Variants in CNTNAP2 observed in about 807,000 individuals in gnomAD.
CNTNAP2 encodes the protein contactin associated protein 2.
In CNTNAP2, 98 loss-of-function variants were observed where a neutral mutation model predicts 155.2. The observed-to-expected ratio is 0.63, with a 90% CI of 0.54 to 0.75. The LOEUF (loss-of-function observed/expected upper bound fraction) is 0.75. CNTNAP2 is among the 30% of genes least tolerant of loss of function. The pLI, the probability that CNTNAP2 is intolerant of heterozygous loss-of-function variation, is 0.00. For missense variants in CNTNAP2, 1,727 were observed against 1,688.1 expected (o/e 1.02, Z -0.40); for synonymous variants, 651 against 631.2 (o/e 1.03, Z -0.47).
chr7:146,201,427 G>C (rs1320131286), intron 1 of CNTNAP2, among the ~76,000 whole-genome samples: 1 of 152,112 alleles, frequency 6.6e-6, no homozygotes, highest in Non-Finnish European at 1.5e-5. Context: ...ATTATTGGCA[G>C]CTCCTAATTG....
intron 15 of CNTNAP2, among the ~76,000 whole-genome samples, chr7:148,066,271 C>G (rs901032191): frequency 1.3e-5 from 2 of 152,114 alleles, no homozygotes; most frequent in African/African-American, 4.8e-5. Flanking sequence ...AGGTGATGAT[C>G]TTTTTGTGAT....
At chr7:146,125,925 T>G (rs1797629702) in intron 1 of CNTNAP2, among the ~76,000 whole-genome samples, 1 of 152,252 alleles carries the variant, frequency 6.6e-6, no homozygotes, top group African/African-American at 2.4e-5. Context: ...CATATTATAC[T>G]TATAAAACGT....
chr7:148,070,375 C>T (rs1210805558), intron 15 of CNTNAP2, among the ~76,000 whole-genome samples: 3 of 152,194 alleles, frequency 2.0e-5, no homozygotes, highest in African/African-American at 7.2e-5. Context: ...CTGTTAATAA[C>T]TTTTAATTAA....
At chr7:147,368,264 G>A (rs1796278622) in intron 9 of CNTNAP2, among the ~76,000 whole-genome samples, 2 of 151,874 alleles carry the variant, frequency 1.3e-5, no homozygotes, top group Non-Finnish European at 2.9e-5. Context: ...GACAGGTTCA[G>A]GGTCATTCTG....
At chr7:147,733,579 G>A (rs1315375893) in intron 13 of CNTNAP2, among the ~76,000 whole-genome samples, 1 of 152,242 alleles carries the variant, frequency 6.6e-6, no homozygotes, top group Admixed American at 6.5e-5. Flanking sequence ...GCTTGATGGG[G>A]ATGGCATTGA....
chr7:147,907,201 C>T (rs980360056), intron 14 of CNTNAP2, among the ~76,000 whole-genome samples: 5 of 151,952 alleles, frequency 3.3e-5, no homozygotes, highest in South Asian at 4.2e-4. Context: ...GGACTACAGG[C>T]GCCCACCACC....
Position 148,383,765 on chromosome 7 carries a change from A to T in CNTNAP2, c.3592A>T (p.Asn1198Tyr). The change falls in exon 22 of 24, where the codon AAC becomes TAC. Residue 1198 changes from asparagine (N) to tyrosine (Y), a missense_variant. Asn to Tyr is a moderately radical substitution (Grantham distance 143, BLOSUM62 -2). Transcript: ENST00000361727. ...TCTCAAGGCCGCCTTGAGGCAGACA[A>T]ACGCCTCGGCTCACGTCCACATCCA... ...APLKAALRQT[N>Y]ASAHVHIQGE... is the part of the protein sequence containing the mutation. 6.2e-7 allele frequency: 1 copy of T among 1,614,194 alleles called. No homozygotes were observed. The highest frequency in any genetic ancestry group is 1.1e-5 in the South Asian group (1 of 91,086).
At chr7:147,999,542 T>C (rs1801862531) in intron 15 of CNTNAP2, among the ~76,000 whole-genome samples, 1 of 152,236 alleles carries the variant, frequency 6.6e-6, no homozygotes, top group Non-Finnish European at 1.5e-5. Context: ...TATAAGTGAA[T>C]GAACAGTGAT....
chr7:147,927,493 A>G (rs1040559290), intron 14 of CNTNAP2, among the ~76,000 whole-genome samples: 1 of 152,198 alleles, frequency 6.6e-6, no homozygotes, highest in African/African-American at 2.4e-5. Flanking sequence ...TAACTGATGT[A>G]CTCCGTAAAT....
chr7:146,559,276 T>A (rs1387437761), intron 1 of CNTNAP2, among the ~76,000 whole-genome samples: 3 of 152,098 alleles, frequency 2.0e-5, no homozygotes, highest in African/African-American at 7.2e-5. Context: ...TCAATTAAAA[T>A]AATATTAATT....
intron 1 of CNTNAP2, among the ~76,000 whole-genome samples, chr7:146,620,849 A>G (rs543056108): frequency 6.6e-6 from 1 of 152,296 alleles, no homozygotes; most frequent in South Asian, 2.1e-4. Flanking sequence ...TTGTAATTAA[A>G]TTGAATAATT....
intron 1 of CNTNAP2, among the ~76,000 whole-genome samples, chr7:146,746,014 T>G (rs1006338202): frequency 1.3e-5 from 2 of 152,220 alleles, no homozygotes; most frequent in African/African-American, 4.8e-5. Context: ...CTTTTGGCTG[T>G]GATCAAGGGT....
chr7:147,503,054 G>C (rs868612185), intron 11 of CNTNAP2, among the ~76,000 whole-genome samples: 147 of 152,214 alleles, frequency 9.7e-4, no homozygotes, highest in African/African-American at 3.1e-3. Flanking sequence ...CCACATTCTT[G>C]CTGGTCAAAA....
At position 148,058,070 on chromosome 7, in the gene CNTNAP2, C is replaced by T. The variant is rs544446159; in HGVS notation, c.2384-60048C>T. ...ACAGAGTCAAGTTTATTGGTATAAT[C>T]CTGCTAAGAAGTACTTAAAACAAAA... On this transcript the variant is annotated intron_variant, in intron 15 of 23. Transcript: ENST00000361727. Among the ~76,000 whole-genome samples the T allele has an allele frequency of 9.2e-5, 14 of 151,652 alleles. No homozygotes were observed. The South Asian group carries it at 1.9e-3, about 20-fold the overall frequency.
intron 1 of CNTNAP2, among the ~76,000 whole-genome samples, chr7:146,409,698 G>A (rs1304236851): frequency 6.6e-6 from 1 of 152,064 alleles, no homozygotes; most frequent in Non-Finnish European, 1.5e-5. Context: ...ATTAATCACT[G>A]CATCCTCCTC....
Position 146,892,875 on chromosome 7 carries a change from A to G in CNTNAP2, c.402+52971A>G, listed in dbSNP as rs373361430. On this transcript the variant is annotated intron_variant, in intron 3 of 23. Transcript: ENST00000361727. ...AAGTGAATGTTTGCAAAATTATTCC[A>G]GATAGGTATAAACTTCTGATCGTAA... 9.8e-5 allele frequency among the ~76,000 whole-genome samples: 15 copies of G among 152,318 alleles called. No individual in the cohort carries two copies. The East Asian group carries it at 1.9e-3, about 20-fold the overall frequency.
intron 3 of CNTNAP2, among the ~76,000 whole-genome samples, chr7:146,843,938 A>T (rs1585118730): frequency 6.6e-6 from 1 of 152,288 alleles, no homozygotes; most frequent in Admixed American, 6.5e-5. Flanking sequence ...TATCCATTTT[A>T]TAATGATTGT....
At chr7:147,673,441 A>T (rs1436676724) in intron 13 of CNTNAP2, among the ~76,000 whole-genome samples, 1 of 152,220 alleles carries the variant, frequency 6.6e-6, no homozygotes, top group Admixed American at 6.5e-5. Context: ...TGAAGTAATT[A>T]TCCACGGAGA....
chr7:147,533,599 TA>T (rs72210500), intron 11 of CNTNAP2, among the ~76,000 whole-genome samples: 1,576 of 141,384 alleles, frequency 0.011, 15 homozygotes, highest in East Asian at 0.038. Flanking sequence ...AAGCTTTATT[TA>T]AAAAAAAAAA....
Sources: gnomAD v4.1 joint callset for allele counts (sites outside exome capture counted in the v4.1 genomes callset) on GRCh38, gnomAD v4.1.1 for gene constraint, MANE v1.5 for transcripts, NCBI Gene and HGNC (gene_info 2026-07-23, HGNC 2026-07-21) for gene names.